The following ARMC9 variants were observed in gnomAD, a reference collection of about 807,000 sequenced individuals.
ARMC9 encodes lisH domain-containing protein ARMC9.
A neutral mutation model predicts 107.0 loss-of-function variants in ARMC9; 94 were observed. That is an observed-to-expected ratio of 0.88 (90% CI 0.74 to 1.04). The LOEUF is 1.04. Ranked by LOEUF, ARMC9 falls within the 50% of genes least tolerant of loss-of-function variation. The pLI is 0.00. For synonymous variants in ARMC9, 380 were observed against 396.9 expected (o/e 0.96, Z 0.51); for missense variants, 942 against 1,030.1 (o/e 0.91, Z 1.17).
At chr2:231,344,951 C>T (rs1559491492) in intron 20 of ARMC9, 24 bp from the exon 21 acceptor site, 1 of 1,612,758 alleles carries the variant, frequency 6.2e-7, no homozygotes, top group East Asian at 2.2e-5. Flanking sequence ...TTCTCCAGCC[C>T]TTTTTTCTCT....
rs2041332141 is a variant in ARMC9 at position 231,295,894 on chromosome 2, C to T, written c.1718-304C>T. ...GGGTATGGCAGAATCTAGCATGATG[C>T]CTTGAAATAAATATTTACTTACTTT... On this transcript the variant is annotated intron_variant, in intron 18 of 24. Transcript: ENST00000611582. The T allele has an allele frequency of 2.2e-5, 5 of 230,102 alleles. No individual in the cohort carries two copies. The South Asian group carries it at 7.4e-4, about 34-fold the overall frequency. 14.3% of individuals were successfully genotyped at this position (230,102 alleles called of 1,614,324 possible). A position where few individuals can be genotyped will look rare whatever the true frequency, so the allele number is the denominator to read the frequency against.
At chr2:231,274,179 G>A (rs189817617) in intron 14 of ARMC9, among the ~76,000 whole-genome samples, 192 of 152,206 alleles carry the variant, frequency 1.3e-3, no homozygotes, top group African/African-American at 4.4e-3. Flanking sequence ...GTGCAGTGGC[G>A]CAATCTTGGC....
chr2:231,308,075 C>G (rs1159522206), intron 19 of ARMC9, among the ~76,000 whole-genome samples: 3 of 152,202 alleles, frequency 2.0e-5, no homozygotes, highest in Non-Finnish European at 2.9e-5. Context: ...AGAGTGGACA[C>G]TCACTGAAGA....
At chr2:231,346,401 G>A (rs1350820738) in intron 21 of ARMC9, among the ~76,000 whole-genome samples, 1 of 151,866 alleles carries the variant, frequency 6.6e-6, no homozygotes, top group Non-Finnish European at 1.5e-5. Context: ...GGCACCTGTA[G>A]TCCCAGCTAC....
At chr2:231,268,698 TA>T (rs2039056350) in intron 12 of ARMC9, among the ~76,000 whole-genome samples, 1 of 152,214 alleles carries the variant, frequency 6.6e-6, no homozygotes, top group African/African-American at 2.4e-5. Flanking sequence ...TCCTGGATTG[TA>T]AATAATTTTC....
At chr2:231,354,607 C>T (rs1391918515) in intron 21 of ARMC9, among the ~76,000 whole-genome samples, 3 of 152,146 alleles carry the variant, frequency 2.0e-5, no homozygotes, top group Non-Finnish European at 2.9e-5. Flanking sequence ...GTCTCAAACT[C>T]CTGACCTCAA....
At position 231,243,998 on chromosome 2, in the gene ARMC9, A is replaced by G. The variant is rs548468458; in HGVS notation, c.879+3957A>G. On this transcript the variant is annotated intron_variant, in intron 9 of 24. Transcript: ENST00000611582. Reference sequence around the variant, plus strand: ...GAAGGCCATCAATTTCAAAATAAGTACGTGGCACAGATCAGCGTCCTTCAT... The same window carrying G: ...GAAGGCCATCAATTTCAAAATAAGTGCGTGGCACAGATCAGCGTCCTTCAT... 5.3e-5 allele frequency among the ~76,000 whole-genome samples: 8 copies of G among 152,316 alleles called. No homozygotes were observed. The East Asian group carries it at 1.4e-3, about 26-fold the overall frequency.
At chr2:231,325,345 A>G (rs2043254924) in intron 19 of ARMC9, among the ~76,000 whole-genome samples, 1 of 152,248 alleles carries the variant, frequency 6.6e-6, no homozygotes, top group African/African-American at 2.4e-5. Context: ...TGGGTCTTAC[A>G]TATGTACTTG....
chr2:231,253,597 T>G (rs1442346480), intron 9 of ARMC9, among the ~76,000 whole-genome samples: 2 of 152,190 alleles, frequency 1.3e-5, no homozygotes, highest in Admixed American at 1.3e-4. Context: ...TCTCCAAGTT[T>G]ATTGTGCAGG....
At chr2:231,262,432 G>A in intron 12 of ARMC9, 34 bp downstream of exon 12, 2 of 1,566,244 alleles carry the variant, frequency 1.3e-6, no homozygotes, top group Non-Finnish European at 8.8e-7. Context: ...CCCAGCCAGG[G>A]CCTTCAATTC....
At chr2:231,246,005 G>A (rs1256927904) in intron 9 of ARMC9, among the ~76,000 whole-genome samples, 3 of 152,188 alleles carry the variant, frequency 2.0e-5, no homozygotes, top group Non-Finnish European at 4.4e-5. Flanking sequence ...AACTCCTAAG[G>A]TAGAAATTCG....
In ARMC9 at chr2:231,376,205, C is replaced by A. The variant is rs1433022838; in HGVS notation, c.*4670C>A. 6.6e-5 allele frequency among the ~76,000 whole-genome samples: 10 copies of A among 152,144 alleles called. No homozygotes were observed. The highest frequency in any genetic ancestry group is 1.3e-4 in the Admixed American group (2 of 15,270). On this transcript the variant is annotated 3_prime_UTR_variant, in exon 25 of 25. Coordinates refer to ENST00000611582, the MANE Select transcript of ARMC9 (RefSeq NM_001352754.2). ...CATGTGTGTTTGCGCAATATGAAAT[C>A]TGAGCACCTTGAAAAAAGAACAGGG...
intron 3 of ARMC9, among the ~76,000 whole-genome samples, chr2:231,210,566 G>T (rs1559290529): frequency 1.3e-5 from 2 of 152,226 alleles, no homozygotes; most frequent in African/African-American, 2.4e-5. Flanking sequence ...AGACTCTTTT[G>T]TGAAGTTCAC....
rs373361048 is a variant in ARMC9, at chr2:231,320,044, G to T, written c.1774-11749G>T. Among the ~76,000 whole-genome samples the T allele has an allele frequency of 1.8e-4, 27 of 152,180 alleles. No homozygotes were observed. In the South Asian group the frequency reaches 5.2e-3, roughly 29 times the overall value. On this transcript the variant is annotated intron_variant, in intron 19 of 24. Transcript: ENST00000611582. ...ATAAGTGGCTAGTATTATATGAATT[G>T]TTTACTGGCTTGCTTTTTTCATTCA...
chr2:231,292,882 C>G (rs2041112823), intron 18 of ARMC9, among the ~76,000 whole-genome samples: 1 of 152,220 alleles, frequency 6.6e-6, no homozygotes, highest in African/African-American at 2.4e-5. Context: ...ACAGGGCGGT[C>G]ACCTGGGGAG....
intron 14 of ARMC9, among the ~76,000 whole-genome samples, chr2:231,275,310 C>G (rs909760225): frequency 1.3e-5 from 2 of 152,070 alleles, no homozygotes; most frequent in African/African-American, 4.8e-5. Context: ...CCATAACCTG[C>G]GCATCCGGAG....
At chr2:231,309,044 A>G (rs2042191808) in intron 19 of ARMC9, among the ~76,000 whole-genome samples, 1 of 152,268 alleles carries the variant, frequency 6.6e-6, no homozygotes, top group African/African-American at 2.4e-5. Context: ...CCAAGTCAAT[A>G]AAGAAACCAG....
chr2:231,358,860 G>A lies in ARMC9; in HGVS notation c.2132-1894G>A, dbSNP rs16828009. On this transcript the variant is annotated intron_variant, in intron 22 of 24. Transcript: ENST00000611582. This position sits in a 1 kb window ranked among gnomAD's most constrained non-coding sequence, Gnocchi z 4.5. Reference sequence around the variant, plus strand: ...AATATGGCTTAGCATTTTGCAGAACGTTGGCCTAAGGAAAGCTATTCTCAT... The same window carrying A: ...AATATGGCTTAGCATTTTGCAGAACATTGGCCTAAGGAAAGCTATTCTCAT... 0.19 allele frequency among the ~76,000 whole-genome samples: 28,220 copies of A among 152,116 alleles called. 6,463 individuals carry two copies. Among genetic ancestry groups the A allele is most frequent in the African/African-American group, 0.54 (22,575 of 41,440 alleles).
At chr2:231,215,091 T>C (rs1404027796) in intron 4 of ARMC9, 90 bp downstream of exon 4, 6 of 1,457,210 alleles carry the variant, frequency 4.1e-6, no homozygotes, top group South Asian at 1.3e-5. Flanking sequence ...GGATTTCATA[T>C]GTGGCTGTGC....
Sources: gnomAD v4.1 joint callset for allele counts (sites outside exome capture counted in the v4.1 genomes callset) on GRCh38, gnomAD v4.1.1 for gene constraint, Gnocchi (gnomAD v3.1) non-coding constraint, MANE v1.5 for transcripts, NCBI Gene and HGNC (gene_info 2026-07-23, HGNC 2026-07-21) for gene names.